Variants in RAF1 observed in about 807,000 individuals in gnomAD.
RAF1 encodes the protein RAF proto-oncogene serine/threonine-protein kinase.
A neutral mutation model predicts 81.1 loss-of-function variants in RAF1; 27 were observed. The observed-to-expected ratio is 0.33, with a 90% confidence interval of 0.25 to 0.46. The LOEUF (loss-of-function observed/expected upper bound fraction) is 0.46, where lower values mean the gene tolerates loss of function less well. Ranked by LOEUF, RAF1 falls within the 20% of genes least tolerant of loss-of-function variation. The pLI, the probability that RAF1 is intolerant of heterozygous loss-of-function variation, is 1.00. For missense variants in RAF1, 598 were observed against 826.0 expected, an observed-to-expected ratio of 0.72 and a Z score of 3.38; for synonymous variants, 298 against 294.0, an observed-to-expected ratio of 1.01 and a Z score of -0.14.
At chr3:12,647,125 T>C (rs2060374574) in intron 1 of RAF1, among the ~76,000 whole-genome samples, 1 of 149,878 alleles carries the variant, frequency 6.7e-6, no homozygotes, top group Non-Finnish European at 1.5e-5. Flanking sequence ...TGAAACCCCG[T>C]CTCTACTAAA....
chr3:12,621,564 G>A (rs577587735), intron 1 of RAF1, among the ~76,000 whole-genome samples: 1 of 152,130 alleles, frequency 6.6e-6, no homozygotes, highest in Non-Finnish European at 1.5e-5. Context: ...GAAAGAATAC[G>A]GTAATATCTA....
At chr3:12,646,150 G>C (rs1035862953) in intron 1 of RAF1, among the ~76,000 whole-genome samples, 1 of 152,012 alleles carries the variant, frequency 6.6e-6, no homozygotes, top group Non-Finnish European at 1.5e-5. Context: ...TCTAATCTTT[G>C]TTTTTTAGAG....
At chr3:12,662,215 G>C (rs9878151) in intron 1 of RAF1, among the ~76,000 whole-genome samples, 50,595 of 149,880 alleles carry the variant, frequency 0.34, 8,827 homozygotes, top group Admixed American at 0.4. Context: ...CCTGTCTGTA[G>C]TCCCAGCTAC....
intron 13 of RAF1, 45 bp from the exon 13 acceptor site, chr3:12,587,682 G>C: frequency 2.0e-6 from 3 of 1,514,780 alleles, no homozygotes; most frequent in Non-Finnish European, 2.8e-6. Context: ...TGAGGGGCAT[G>C]AGTAGAAAGC....
At chr3:12,609,042 G>C (rs2125417896) in intron 4 of RAF1, 119 bp from the exon 5 acceptor site, 1 of 1,214,964 alleles carries the variant, frequency 8.2e-7, no homozygotes, top group East Asian at 2.5e-5. Context: ...AGCATGTACA[G>C]AATTCATAAT....
At chr3:12,600,496 T>G (rs2058829382) in intron 8 of RAF1, 81 bp from the exon 8 acceptor site, 2 of 1,467,516 alleles carry the variant, frequency 1.4e-6, no homozygotes. Flanking sequence ...GAGGAGGATG[T>G]GCAAGAACAA....
At chr3:12,659,994 C>T (rs1014812597) in intron 1 of RAF1, among the ~76,000 whole-genome samples, 1 of 152,138 alleles carries the variant, frequency 6.6e-6, no homozygotes. Context: ...AATAGACTAC[C>T]TGAAATAGTA....
Position 12,590,780 on chromosome 3 carries a change from A to T in RAF1, c.1430+18T>A. On this transcript the variant is annotated intron_variant, in intron 13 of 17. Coordinates refer to ENST00000442415, the MANE Select transcript of RAF1 (RefSeq NM_001354689.3). The stretch of plus-strand genomic sequence containing the variant: ...TTTGATGCCTGGGTCCCAGAGAGGC[A>T]TCAGACCATCTACTCACTCCATTCC... 6.2e-7 allele frequency: 1 copy of T among 1,606,708 alleles called. No individual in the cohort carries two copies. The highest frequency in any genetic ancestry group is 1.1e-5 in the South Asian group (1 of 90,892).
chr3:12,600,041 G>T, intron 10 of RAF1, 111 bp downstream of exon 9: 1 of 1,499,678 alleles, frequency 6.7e-7, no homozygotes, highest in Non-Finnish European at 9.3e-7. Context: ...CTCCTTCATT[G>T]AATGTATTTT....
chr3:12,648,740 T>C (rs975543860), intron 1 of RAF1, among the ~76,000 whole-genome samples: 4 of 151,778 alleles, frequency 2.6e-5, no homozygotes, highest in Admixed American at 6.6e-5. Flanking sequence ...AGTGAGATTC[T>C]GCTTCAAAAA....
At chr3:12,598,379 C>G (rs2058747511) in intron 11 of RAF1, among the ~76,000 whole-genome samples, 1 of 152,096 alleles carries the variant, frequency 6.6e-6, no homozygotes, top group African/African-American at 2.4e-5. Context: ...GGGTGCCAAT[C>G]CTCTTAAGGA....
intron 1 of RAF1, among the ~76,000 whole-genome samples, chr3:12,659,722 A>AC (rs751524795): frequency 1.3e-5 from 2 of 152,186 alleles, no homozygotes; most frequent in Non-Finnish European, 2.9e-5. Context: ...CAAAAAGCTC[A>AC]ATTTTATGGT....
intron 14 of RAF1, chr3:12,586,707 T>C (rs1172475185): frequency 6.6e-6 from 1 of 152,174 alleles, no homozygotes. Flanking sequence ...AGATTCAAAA[T>C]TGTTAAATTT....
intron 8 of RAF1, among the ~76,000 whole-genome samples, chr3:12,602,247 T>C (rs1195580819): frequency 6.6e-6 from 1 of 152,220 alleles, no homozygotes; most frequent in Non-Finnish European, 1.5e-5. Context: ...GACCCACAAA[T>C]AATTTGAATA....
Position 12,604,119 on chromosome 3 carries a change from C to A in RAF1, c.834+17G>T, listed in dbSNP as rs1277822453. 3.1e-6 allele frequency: 5 copies of A among 1,613,752 alleles called. No homozygotes were observed. Among genetic ancestry groups the A allele is most frequent in the Non-Finnish European group, 4.2e-6 (5 of 1,179,968 alleles). ...CATTAATTGACTGACATTACCACCCCCAAGGTGCCCTATTACCTCAATCAT... is the reference window on the plus strand; with the variant it reads ...CATTAATTGACTGACATTACCACCCACAAGGTGCCCTATTACCTCAATCAT... On this transcript the variant is annotated intron_variant, in intron 7 of 17. Coordinates refer to ENST00000442415, the MANE Select transcript of RAF1 (RefSeq NM_001354689.3).
chr3:12,646,784 C>T (rs1163617348), intron 1 of RAF1, among the ~76,000 whole-genome samples: 1 of 151,718 alleles, frequency 6.6e-6, no homozygotes, highest in African/African-American at 2.4e-5. Context: ...CTCCTGACCT[C>T]AGGAGCCACC....
In RAF1 at chr3:12,585,253, C is replaced by A. The variant is rs2125323183; in HGVS notation, c.1597G>T (p.Ala533Ser). 6.2e-7 allele frequency: 1 copy of A among 1,614,048 alleles called. No homozygotes were observed. The highest frequency in any genetic ancestry group is 8.5e-7 in the Non-Finnish European group (1 of 1,180,024). The change falls in exon 16 of 18, where the codon GCC becomes TCC. Residue 533 changes from alanine (A) to serine (S), a missense_variant and splice_region_variant. By Grantham distance (99) the Ala-to-Ser change is moderately conservative (BLOSUM62 1). Around this residue, in one of 5 missense-constraint regions of RAF1, gnomAD observed 147 missense variants for 196.1 expected, o/e 0.75. Transcript: ENST00000442415. Reference sequence around the variant, plus strand: ...TCCTGCATTCGGATCACCTCTGGGGCCTACATGTATCACCATATGACAAAA... The same window carrying A: ...TCCTGCATTCGGATCACCTCTGGGGACTACATGTATCACCATATGACAAAA...
rs552069185 is a variant in RAF1, at chr3:12,663,956, G to T, written c.-170C>A. The T allele has an allele frequency of 5.0e-6, 2 of 398,308 alleles. No individual in the cohort carries two copies. The highest frequency in any genetic ancestry group is 4.4e-6 in the Non-Finnish European group (1 of 225,918). 24.7% of individuals were successfully genotyped at this position (398,308 alleles called of 1,614,324 possible). On this transcript the variant is annotated 5_prime_UTR_variant, in exon 1 of 18. Transcript: ENST00000442415. ...GGGGACGGAGCCCCGAGCAGCCCCC[G>T]CATCGTAGCAAACGCGCTCCGCGCC...
chr3:12,584,540 T>C lies in RAF1; in HGVS notation c.1981A>G (p.Thr661Ala), dbSNP rs1183812590. ...TAGAAGACAGGCAGCCTCGGGGACGTGGTCAGCGTGCAAGCATTGATATCC... is the reference window on the plus strand; with the variant it reads ...TAGAAGACAGGCAGCCTCGGGGACGCGGTCAGCGTGCAAGCATTGATATCC... The change falls in exon 18 of 18, where the codon ACG becomes GCG. Residue 661 changes from threonine to alanine, a missense_variant. This residue lies in a region of RAF1 where 147 missense variants were observed against 196.1 expected (regional missense o/e 0.75). Transcript: ENST00000442415. The C allele has an allele frequency of 3.1e-6, 5 of 1,614,048 alleles. No homozygotes were observed. In the African/African-American group the frequency reaches 6.7e-5, roughly 22 times the overall value.
Sources: allele counts gnomAD v4.1 joint callset (sites outside exome capture counted in the v4.1 genomes callset), GRCh38; gene constraint gnomAD v4.1.1; regional missense constraint gnomAD v4.1.1; transcripts MANE v1.5; gene names NCBI Gene and HGNC (gene_info 2026-07-23, HGNC 2026-07-21).